MYOM1: variants seen among roughly 807,000 people sequenced by gnomAD.
The protein encoded by MYOM1 is myomesin 1, also known as myomesin-1.
MYOM1 carries 164 observed loss-of-function variants against 205.3 expected under a neutral mutation model. The observed-to-expected ratio is 0.80, with a 90% CI of 0.70 to 0.91. The LOEUF (loss-of-function observed/expected upper bound fraction) is 0.91, where lower values mean the gene tolerates loss of function less well. Among genes scored for constraint, MYOM1 ranks in the 40% least tolerant of loss-of-function variants. The pLI is 0.00. For missense variants in MYOM1, 2,011 were observed against 2,127.3 expected (o/e 0.95, Z 1.08); for synonymous variants, 772 against 789.4 (o/e 0.98, Z 0.37).
At chr18:3,078,285 A>G (rs1023384974) in intron 34 of MYOM1, among the ~76,000 whole-genome samples, 4 of 151,844 alleles carry the variant, frequency 2.6e-5, no homozygotes, top group Admixed American at 2.6e-4. Context: ...CAGGTGATCC[A>G]CCCGCCTCAG....
intron 22 of MYOM1, among the ~76,000 whole-genome samples, chr18:3,108,722 G>A (rs2079484287): frequency 6.6e-6 from 1 of 152,116 alleles, no homozygotes; most frequent in Admixed American, 6.5e-5. Flanking sequence ...TGTATTTTCA[G>A]TAGAAACAGG....
At chr18:3,136,603 T>G (rs1277856851) in intron 14 of MYOM1, among the ~76,000 whole-genome samples, 1 of 151,774 alleles carries the variant, frequency 6.6e-6, no homozygotes, top group African/African-American at 2.4e-5. Context: ...ATTTTTGTAT[T>G]TTTTTGGTAG....
chr18:3,077,322 C>T (rs79824526), intron 34 of MYOM1, among the ~76,000 whole-genome samples: 3,423 of 152,102 alleles, frequency 0.023, 131 homozygotes, highest in African/African-American at 0.078. Flanking sequence ...TCTGGCAGGT[C>T]GCTTCATTTT....
In MYOM1 at chr18:3,085,070, C is replaced by T; in HGVS notation, c.4314G>A (p.Lys1438=). ...VILKDDRGKD[K]SRLKLVDEAF... ...CTTCATCCACAAGCTTCAGTCTGCTCTTATCTTTTCCTCGGTCATCTTTCA... is the reference window on the plus strand; with the variant it reads ...CTTCATCCACAAGCTTCAGTCTGCTTTTATCTTTTCCTCGGTCATCTTTCA... Residue 1438 remains lysine (K), a synonymous_variant, in exon 31 of 38, where the codon AAG becomes AAA. Transcript: ENST00000356443. 6.2e-7 allele frequency: 1 copy of T among 1,608,154 alleles called. No individual in the cohort carries two copies. Among genetic ancestry groups the T allele is most frequent in the Non-Finnish European group, 8.5e-7 (1 of 1,177,200 alleles).
At chr18:3,121,836 A>T (rs2079696252) in intron 19 of MYOM1, among the ~76,000 whole-genome samples, 1 of 152,196 alleles carries the variant, frequency 6.6e-6, no homozygotes, top group African/African-American at 2.4e-5. Flanking sequence ...AACACAGAAC[A>T]GGCCAGGTGT....
rs1598778811 is a variant in MYOM1, at chr18:3,215,171, C to T, written c.53G>A (p.Arg18His). 5 of 1,613,248 alleles carry T rather than the reference C, an allele frequency of 3.1e-6. No homozygotes were observed. The highest frequency in any genetic ancestry group is 2.7e-5 in the African/African-American group (2 of 74,914). The stretch of plus-strand genomic sequence containing the variant: ...CACGGTGCTGCGCACGTCCTTGTTG[C>T]GGTAGCTGAGATCATAGTGCTGGTG... ...RCHQHYDLSY[R>H]NKDVRSTVSH... Residue 18 changes from arginine (R) to histidine (H), a missense_variant, in exon 2 of 38, where the codon CGC becomes CAC. Transcript: ENST00000356443.
At chr18:3,244,518 C>G in the MYOM1 span, among the ~76,000 whole-genome samples, 1 of 152,134 alleles carries the variant, frequency 6.6e-6, no homozygotes, top group Non-Finnish European at 1.5e-5. Flanking sequence ...ATTTGGGAGG[C>G]ACAGACGGGC....
rs551954889 is a variant in MYOM1, at chr18:3,137,184, C to T, written c.2026-1454G>A. Among the ~76,000 whole-genome samples, 9 of 152,018 alleles carry T rather than the reference C, an allele frequency of 5.9e-5. No homozygotes were observed. The South Asian group carries it at 1.0e-3, about 18-fold the overall frequency. ...CAGGATGGTCTCGATCTCCTGACCT[C>T]GTGATCCGCCCACCTCAGCCTCCCA... On this transcript the variant is annotated intron_variant, in intron 14 of 37. Transcript: ENST00000356443.
At chr18:3,123,921 A>G (rs937139386) in intron 19 of MYOM1, among the ~76,000 whole-genome samples, 5 of 151,132 alleles carry the variant, frequency 3.3e-5, no homozygotes, top group African/African-American at 1.2e-4. Context: ...TCCCGGGTTC[A>G]AGTGATTCTC....
At chr18:3,167,765 G>A (rs143141814) in intron 9 of MYOM1, among the ~76,000 whole-genome samples, 167 of 152,274 alleles carry the variant, frequency 1.1e-3, no homozygotes, top group African/African-American at 3.8e-3. Flanking sequence ...TCTTCATCTT[G>A]TTTTGCTTTG....
intron 16 of MYOM1, 127 bp downstream of exon 16, chr18:3,134,522 TA>T: frequency 9.7e-7 from 1 of 1,027,428 alleles, no homozygotes; most frequent in Non-Finnish European, 1.3e-6. Flanking sequence ...ATTACAGGTG[TA>T]AGCCACCACA....
chr18:3,192,658 A>C (rs1006273036), intron 3 of MYOM1, among the ~76,000 whole-genome samples: 3 of 152,224 alleles, frequency 2.0e-5, no homozygotes, highest in Non-Finnish European at 4.4e-5. Context: ...AATAAATAGG[A>C]GATGAACCAG....
chr18:3,150,322 AG>A (rs2080199951), intron 12 of MYOM1, among the ~76,000 whole-genome samples: 1 of 152,174 alleles, frequency 6.6e-6, no homozygotes, highest in African/African-American at 2.4e-5. Context: ...TCGACCTCCC[AG>A]AGTGCTGGGA....
the MYOM1 span, among the ~76,000 whole-genome samples, chr18:3,234,811 C>T: frequency 0.14 from 21,232 of 152,052 alleles, 2,153 homozygotes; most frequent in African/African-American, 0.29. Context: ...GAACTTACTA[C>T]AGATTTTATA....
intron 12 of MYOM1, among the ~76,000 whole-genome samples, chr18:3,149,460 A>C (rs1374880946): frequency 6.6e-6 from 1 of 152,204 alleles, no homozygotes; most frequent in South Asian, 2.1e-4. Flanking sequence ...CTGTACTTGC[A>C]CAAGCTAGGT....
intron 19 of MYOM1, among the ~76,000 whole-genome samples, chr18:3,122,540 C>T (rs538553839): frequency 6.6e-6 from 1 of 152,256 alleles, no homozygotes; most frequent in South Asian, 2.1e-4. Context: ...GGAGACTATC[C>T]TGCATTTTTT....
At chr18:3,075,637 C>A in intron 35 of MYOM1, 88 bp downstream of exon 35, 1 of 1,478,868 alleles carries the variant, frequency 6.8e-7, no homozygotes, top group Non-Finnish European at 9.4e-7. Flanking sequence ...ATAAAAGGCT[C>A]TTTCTAACAC....
intron 22 of MYOM1, among the ~76,000 whole-genome samples, chr18:3,103,423 T>C (rs983747469): frequency 6.6e-6 from 1 of 152,188 alleles, no homozygotes; most frequent in African/African-American, 2.4e-5. Context: ...AGAGTTATAA[T>C]AAATTGCACC....
rs545274627 is a variant in MYOM1 at position 3,156,629 on chromosome 18, A to G, written c.1502-1541T>C. On this transcript the variant is annotated intron_variant, in intron 10 of 37. Coordinates refer to ENST00000356443, the MANE Select transcript of MYOM1 (RefSeq NM_003803.4). Reference sequence around the variant, plus strand: ...CTTTCTTTTTTTTTTTTTTTGAGACAGAGTCTTGCTCTGTCACCCAGGCTG... The same window carrying G: ...CTTTCTTTTTTTTTTTTTTTGAGACGGAGTCTTGCTCTGTCACCCAGGCTG... Among the ~76,000 whole-genome samples, 1,103 of 148,718 alleles carry G rather than the reference A, an allele frequency of 7.4e-3. 9 individuals are homozygous for G. The highest frequency in any genetic ancestry group is 0.023 in the African/African-American group (941 of 40,198).
Sources: allele counts gnomAD v4.1 joint callset (sites outside exome capture counted in the v4.1 genomes callset), GRCh38; gene constraint gnomAD v4.1.1; transcripts MANE v1.5; gene names NCBI Gene and HGNC (gene_info 2026-07-23, HGNC 2026-07-21).